The following DGKB variants were observed in gnomAD, a reference collection of about 807,000 sequenced individuals.
The protein encoded by DGKB is diacylglycerol kinase beta.
DGKB carries 67 observed loss-of-function variants against 114.3 expected under a neutral mutation model. The observed-to-expected ratio is 0.59, with a 90% CI of 0.48 to 0.72. The LOEUF (loss-of-function observed/expected upper bound fraction) is 0.72. DGKB is among the 30% of genes least tolerant of loss of function. The pLI is 0.00. For missense variants in DGKB, 907 were observed against 975.2 expected (o/e 0.93, Z 0.93); for synonymous variants, 398 against 323.1 (o/e 1.23, Z -2.49).
chr7:14,496,713 T>C (rs1785360093), intron 20 of DGKB, among the ~76,000 whole-genome samples: 1 of 151,764 alleles, frequency 6.6e-6, no homozygotes, highest in South Asian at 2.1e-4. Flanking sequence ...GCAGAAACAT[T>C]ATTCTAAAGT....
chr7:14,318,429 C>G (rs1807053013), intron 23 of DGKB, among the ~76,000 whole-genome samples: 2 of 152,102 alleles, frequency 1.3e-5, no homozygotes, highest in Admixed American at 1.3e-4. Flanking sequence ...TGAACTCAAA[C>G]AAATTTACAA....
At chr7:14,285,092 T>TTC (rs982849786) in intron 23 of DGKB, among the ~76,000 whole-genome samples, 1 of 152,170 alleles carries the variant, frequency 6.6e-6, no homozygotes, top group African/African-American at 2.4e-5. Flanking sequence ...GAGTGATATT[T>TTC]TCTCACTCTG....
intron 1 of DGKB, among the ~76,000 whole-genome samples, chr7:14,931,740 T>G (rs1463786649): frequency 6.6e-6 from 1 of 152,084 alleles, no homozygotes; most frequent in African/African-American, 2.4e-5. Flanking sequence ...TCCAGCAGTT[T>G]GTGCATCTTC....
intron 9 of DGKB, among the ~76,000 whole-genome samples, chr7:14,689,014 C>G (rs1313871212): frequency 4.0e-5 from 6 of 151,852 alleles, no homozygotes; most frequent in Non-Finnish European, 8.8e-5. Flanking sequence ...ATGTCCTAAC[C>G]CACATGCTTC....
At chr7:14,752,277 AT>A (rs1834246000) in intron 4 of DGKB, among the ~76,000 whole-genome samples, 1 of 152,158 alleles carries the variant, frequency 6.6e-6, no homozygotes, top group African/African-American at 2.4e-5. Context: ...GACATTTAAA[AT>A]ATTACTTTAG....
At chr7:14,958,612 A>G (rs1786659641) in intron 1 of DGKB, among the ~76,000 whole-genome samples, 1 of 152,024 alleles carries the variant, frequency 6.6e-6, no homozygotes, top group African/African-American at 2.4e-5. Context: ...CCTTTTCTTA[A>G]AGTAACCAGT....
intron 1 of DGKB, among the ~76,000 whole-genome samples, chr7:14,878,757 AAAAAAAAAAAAC>A (rs1853730308): frequency 6.8e-6 from 1 of 146,278 alleles, no homozygotes; most frequent in East Asian, 1.9e-4. Flanking sequence ...TCAAAAAACA[AAAAAAAAAAAAC>A]AAAAAAAAAA....
intron 20 of DGKB, among the ~76,000 whole-genome samples, chr7:14,505,519 A>G (rs1266309470): frequency 6.6e-6 from 1 of 152,058 alleles, no homozygotes; most frequent in Non-Finnish European, 1.5e-5. Context: ...GTCATTACAG[A>G]CTCACTTCTA....
In DGKB at chr7:14,853,761, G is replaced by A. The variant is rs558854140; in HGVS notation, c.-187-12311C>T. On this transcript the variant is annotated intron_variant, in intron 1 of 25. Transcript: ENST00000402815. Reference sequence around the variant, plus strand: ...TGGGCGCCTGTAGTCCCAGCTACTCGGGAGGCTGAGGCAGGAGAATGGCGT... The same window carrying A: ...TGGGCGCCTGTAGTCCCAGCTACTCAGGAGGCTGAGGCAGGAGAATGGCGT... Among the ~76,000 whole-genome samples, 329 of 150,562 alleles carry A rather than the reference G, an allele frequency of 2.2e-3. 1 individual carries two copies. The highest frequency in any genetic ancestry group is 3.4e-3 in the Middle Eastern group (1 of 292).
chr7:14,235,634 G>C (rs984075569), intron 23 of DGKB, among the ~76,000 whole-genome samples: 1 of 152,026 alleles, frequency 6.6e-6, no homozygotes, highest in Admixed American at 6.6e-5. Flanking sequence ...TATTTGCTTA[G>C]AGTGTAATGT....
intron 23 of DGKB, among the ~76,000 whole-genome samples, chr7:14,203,808 A>G (rs565934051): frequency 5.3e-4 from 81 of 152,094 alleles, no homozygotes; most frequent in African/African-American, 2.0e-3. Flanking sequence ...CATGAGATAT[A>G]TTTTGGTGAC....
intron 23 of DGKB, among the ~76,000 whole-genome samples, chr7:14,247,536 C>A (rs540849827): frequency 3.3e-4 from 50 of 152,028 alleles, no homozygotes; most frequent in Non-Finnish European, 5.9e-4. Context: ...TTGATCATAG[C>A]CATTCTAAAA....
At chr7:14,906,107 GGGGCTTTCA>G (rs1437376754), upstream of DGKB, among the ~76,000 whole-genome samples, 1 of 151,818 alleles carries the variant, frequency 6.6e-6, no homozygotes, top group African/African-American at 2.4e-5. Flanking sequence ...ATTTCCTGAG[GGGGCTTTCA>G]GGGTCCTATT....
chr7:14,773,054 T>C (rs1414970293), intron 2 of DGKB, among the ~76,000 whole-genome samples: 1 of 152,222 alleles, frequency 6.6e-6, no homozygotes, highest in Admixed American at 6.5e-5. Context: ...CTTGTGTTTT[T>C]AACATATTAT....
At chr7:14,799,767 A>G (rs780034823) in intron 2 of DGKB, among the ~76,000 whole-genome samples, 12 of 152,176 alleles carry the variant, frequency 7.9e-5, no homozygotes, top group Non-Finnish European at 1.8e-4. Context: ...TGCAGCAAGT[A>G]CAGGCTGCTG....
At chr7:14,319,188 G>T (rs1220748476) in intron 23 of DGKB, among the ~76,000 whole-genome samples, 1 of 151,714 alleles carries the variant, frequency 6.6e-6, no homozygotes, top group Non-Finnish European at 1.5e-5. Context: ...CCTAATGCTA[G>T]ATGACGAGTT....
intron 20 of DGKB, among the ~76,000 whole-genome samples, chr7:14,557,111 C>A (rs757390398): frequency 6.6e-6 from 1 of 152,116 alleles, no homozygotes; most frequent in East Asian, 1.9e-4. Flanking sequence ...AAACAGAAAA[C>A]CCAGGTGTAG....
At chr7:14,188,863 A>G (rs1484568027) in intron 23 of DGKB, among the ~76,000 whole-genome samples, 1 of 152,118 alleles carries the variant, frequency 6.6e-6, no homozygotes, top group East Asian at 1.9e-4. Context: ...TAAAGCTGGT[A>G]GAGAATGGGA....
intron 12 of DGKB, among the ~76,000 whole-genome samples, chr7:14,675,103 G>A (rs556123850): frequency 6.6e-6 from 1 of 152,004 alleles, no homozygotes; most frequent in South Asian, 2.1e-4. Flanking sequence ...GAAAACAGAC[G>A]CTAAGAACCC....
Sources: gnomAD v4.1 joint callset for allele counts (sites outside exome capture counted in the v4.1 genomes callset) on GRCh38, gnomAD v4.1.1 for gene constraint, MANE v1.5 for transcripts, NCBI Gene and HGNC (gene_info 2026-07-23, HGNC 2026-07-21) for gene names.